Variants in GULP1 observed in about 807,000 individuals in gnomAD.
GULP1 encodes PTB domain-containing engulfment adapter protein 1.
A neutral mutation model predicts 40.9 loss-of-function variants in GULP1; 19 were observed. The ratio of observed to expected loss-of-function variants is 0.46; its 90% CI spans 0.32 to 0.68. The LOEUF (loss-of-function observed/expected upper bound fraction) is 0.68, where lower values mean the gene tolerates loss of function less well. Among genes scored for constraint, GULP1 ranks in the 30% least tolerant of loss-of-function variants. The probability of loss-of-function intolerance (pLI) is 0.03; values close to 1 mark genes in which losing one functional copy is unlikely to be tolerated. For missense variants in GULP1, 312 were observed against 362.2 expected (o/e 0.86, Z 1.12); for synonymous variants, 119 against 117.6 (o/e 1.01, Z -0.08).
chr2:188,331,066 T>C (rs888421247), intron 1 of GULP1, among the ~76,000 whole-genome samples: 1 of 152,216 alleles, frequency 6.6e-6, no homozygotes, highest in African/African-American at 2.4e-5. Flanking sequence ...ACTAAAGCAC[T>C]CCCTACAAAA....
chr2:188,435,796 A>G (rs2057353272), intron 2 of GULP1, among the ~76,000 whole-genome samples: 1 of 152,022 alleles, frequency 6.6e-6, no homozygotes, highest in South Asian at 2.1e-4. Flanking sequence ...TAAAGGAGAG[A>G]CAAAGGCTGT....
chr2:188,425,271 A>C (rs1289239639), intron 2 of GULP1, among the ~76,000 whole-genome samples: 2 of 152,068 alleles, frequency 1.3e-5, no homozygotes, highest in Non-Finnish European at 2.9e-5. Context: ...TTTAATGATG[A>C]GTGATGATCT....
At chr2:188,368,939 GTATATATATATATATATA>G (rs56274020) in intron 1 of GULP1, among the ~76,000 whole-genome samples, 10 of 86,086 alleles carry the variant, frequency 1.2e-4, no homozygotes, top group Non-Finnish European at 1.6e-4. Context: ...ATATATGTGT[GTATATATATATATATATA>G]TATATATATA....
chr2:188,444,160 C>T (rs2058187673), intron 2 of GULP1, among the ~76,000 whole-genome samples: 1 of 152,018 alleles, frequency 6.6e-6, no homozygotes, highest in South Asian at 2.1e-4. Context: ...TTGCTGTTCT[C>T]CAAGGATACA....
intron 6 of GULP1, among the ~76,000 whole-genome samples, chr2:188,531,580 G>A (rs1281698890): frequency 3.3e-5 from 5 of 151,960 alleles, no homozygotes; most frequent in African/African-American, 7.3e-5. Context: ...CTTTAGTTAC[G>A]GCGATTCTAA....
At chr2:188,446,457 T>A (rs1323563291) in intron 2 of GULP1, among the ~76,000 whole-genome samples, 1 of 152,180 alleles carries the variant, frequency 6.6e-6, no homozygotes, top group Non-Finnish European at 1.5e-5. Context: ...ACAAATGGAA[T>A]CCAAGTTTGG....
intron 2 of GULP1, among the ~76,000 whole-genome samples, chr2:188,407,016 C>T (rs1195295570): frequency 6.6e-6 from 1 of 151,918 alleles, no homozygotes; most frequent in South Asian, 2.1e-4. Context: ...AGAGAAGAAA[C>T]ATATCACACA....
chr2:188,314,577 T>A (rs973580961), intron 1 of GULP1, among the ~76,000 whole-genome samples: 11 of 152,282 alleles, frequency 7.2e-5, no homozygotes, highest in African/African-American at 2.4e-4. Context: ...TACAATTTTT[T>A]AATAAAACTA....
chr2:188,581,281 G>A (rs973809146), intron 9 of GULP1, among the ~76,000 whole-genome samples: 5 of 151,774 alleles, frequency 3.3e-5, no homozygotes, highest in Admixed American at 2.0e-4. Context: ...TCTCTTGTCC[G>A]AAAAAAACCC....
chr2:188,592,905 T>G (rs1368553301), intron 11 of GULP1: 1 of 152,146 alleles, frequency 6.6e-6, no homozygotes, highest in Non-Finnish European at 1.5e-5. Flanking sequence ...CATTTTGTTT[T>G]CTTTAGGAAT....
chr2:188,452,329 GA>G (rs1222068654), intron 2 of GULP1, among the ~76,000 whole-genome samples: 3 of 152,262 alleles, frequency 2.0e-5, no homozygotes, highest in African/African-American at 7.2e-5. Flanking sequence ...TCACCAGCCT[GA>G]AAGCAGAGCA....
At chr2:188,358,076 G>A (rs1479019303) in intron 1 of GULP1, among the ~76,000 whole-genome samples, 1 of 152,112 alleles carries the variant, frequency 6.6e-6, no homozygotes, top group Non-Finnish European at 1.5e-5. Flanking sequence ...AGGTACTCAG[G>A]AAGCTGAGAC....
chr2:188,485,471 T>C (rs1192137770), intron 4 of GULP1, among the ~76,000 whole-genome samples: 1 of 152,092 alleles, frequency 6.6e-6, no homozygotes, highest in African/African-American at 2.4e-5. Context: ...TTAGTTTTTT[T>C]CTGAAGTCCT....
intron 5 of GULP1, among the ~76,000 whole-genome samples, chr2:188,526,153 A>G (rs1037281435): frequency 2.0e-5 from 3 of 152,148 alleles, no homozygotes; most frequent in Non-Finnish European, 2.9e-5. Flanking sequence ...TAACAGTTCT[A>G]TTTATCAGTA....
intron 1 of GULP1, among the ~76,000 whole-genome samples, chr2:188,322,898 T>C (rs1256050821): frequency 6.6e-6 from 1 of 152,114 alleles, no homozygotes; most frequent in East Asian, 1.9e-4. Context: ...CATGTTTTAT[T>C]CTGGCCAAAA....
At chr2:188,331,981 T>C (rs2041653852) in intron 1 of GULP1, among the ~76,000 whole-genome samples, 1 of 152,168 alleles carries the variant, frequency 6.6e-6, no homozygotes, top group Non-Finnish European at 1.5e-5. Context: ...AAGATGATTT[T>C]GTAGAAGGTA....
At chr2:188,435,899 C>A (rs1427897087) in intron 2 of GULP1, among the ~76,000 whole-genome samples, 1 of 152,104 alleles carries the variant, frequency 6.6e-6, no homozygotes, top group African/African-American at 2.4e-5. Context: ...CCAGAAGAAT[C>A]TCTTTTCTTT....
At chr2:188,384,085 G>C (rs982393762) in intron 2 of GULP1, 196 bp downstream of exon 2, 3 of 152,020 alleles carry the variant, frequency 2.0e-5, no homozygotes, top group African/African-American at 7.2e-5. Context: ...TCATCATTTT[G>C]TTCTATATAA....
chr2:188,463,740 C>T (rs1240986394), intron 2 of GULP1, among the ~76,000 whole-genome samples: 2 of 151,776 alleles, frequency 1.3e-5, no homozygotes, highest in Admixed American at 6.6e-5. Context: ...AATAGCCTGT[C>T]TTCAAGCCCA....
Sources: gnomAD v4.1 joint callset for allele counts (sites outside exome capture counted in the v4.1 genomes callset) on GRCh38, gnomAD v4.1.1 for gene constraint, MANE v1.5 for transcripts, NCBI Gene and HGNC (gene_info 2026-07-23, HGNC 2026-07-21) for gene names.